The following ATAD3C variants were observed in gnomAD, a reference collection of about 807,000 sequenced individuals.
The protein encoded by ATAD3C is ATPase family AAA domain containing 3C.
ATAD3C carries 38 observed loss-of-function variants against 46.3 expected under a neutral mutation model. The observed-to-expected ratio is 0.82, with a 90% CI of 0.63 to 1.08. The LOEUF (loss-of-function observed/expected upper bound fraction) is 1.08. Among genes scored for constraint, ATAD3C ranks in the 50% least tolerant of loss-of-function variants. The pLI is 0.00. For missense variants in ATAD3C, 563 were observed against 572.7 expected, an observed-to-expected ratio of 0.98 and a Z score of 0.17; for synonymous variants, 220 against 236.4, an observed-to-expected ratio of 0.93 and a Z score of 0.63.
chr1:1,452,318 C>A (rs563943468), intron 2 of ATAD3C, 47 bp from the exon 3 acceptor site: 2 of 1,612,614 alleles, frequency 1.2e-6, no homozygotes, highest in African/African-American at 2.7e-5. Context: ...TGCTACGTGG[C>A]GTGGGTCTTT....
intron 11 of ATAD3C, among the ~76,000 whole-genome samples, chr1:1,465,650 T>C (rs1330711244): frequency 1.3e-5 from 2 of 151,564 alleles, no homozygotes; most frequent in Non-Finnish European, 2.9e-5. Context: ...TTGCAGCTGT[T>C]TTTGCTGTTG....
chr1:1,457,311 T>C, intron 8 of ATAD3C, 131 bp downstream of exon 8: 2 of 1,492,358 alleles, frequency 1.3e-6, no homozygotes, highest in Non-Finnish European at 1.8e-6. Context: ...CACAGCATTT[T>C]TGGCCAGGTG....
At chr1:1,450,799 T>C (rs761701615) in intron 1 of ATAD3C, 41 bp downstream of exon 1, 6 of 1,609,178 alleles carry the variant, frequency 3.7e-6, no homozygotes, top group Non-Finnish European at 5.1e-6. Flanking sequence ...GGGGCACACA[T>C]GGGGTTCGGG....
chr1:1,457,033 A>C (rs35334427), intron 7 of ATAD3C, 96 bp from the exon 8 acceptor site: 359,567 of 1,539,608 alleles, frequency 0.23, 54,483 homozygotes, highest in East Asian at 0.53. Flanking sequence ...CCCCGTGGGG[A>C]TCTGCCTGCT....
In ATAD3C at chr1:1,457,595, C is replaced by CAAAAA. The variant is rs777757826; in HGVS notation, c.741+430_741+434dup. Among the ~76,000 whole-genome samples the CAAAAA allele has an allele frequency of 3.8e-3, 139 of 36,408 alleles. 13 individuals carry two copies. The highest frequency in any genetic ancestry group is 0.018 in the African/African-American group (134 of 7,360). The allele number at this position is 36,408 out of a possible 152,430, so 23.9% of individuals were successfully genotyped here. On this transcript the variant is annotated intron_variant, in intron 8 of 11. Coordinates refer to ENST00000378785, the MANE Select transcript of ATAD3C (RefSeq NM_001039211.3). ...TGGGCGACACAGCGAGACTTCATCT[C>CAAAAA]AAAAAAAAAAAAAAAAAAACAAAAA... is the stretch of plus-strand genomic sequence containing the variant.
At chr1:1,457,459 G>A (rs891845146) in intron 8 of ATAD3C, among the ~76,000 whole-genome samples, 2 of 151,274 alleles carry the variant, frequency 1.3e-5, no homozygotes, top group African/African-American at 4.9e-5. Context: ...AGCTGTGCGT[G>A]GTGGCGGGCG....
At position 1,453,511 on chromosome 1, in the gene ATAD3C, A is replaced by G. The variant is rs775178705; in HGVS notation, c.223-834A>G. On this transcript the variant is annotated intron_variant, in intron 3 of 11. Coordinates refer to ENST00000378785, the MANE Select transcript of ATAD3C (RefSeq NM_001039211.3). ...ACCACCATGCCCGGCCAATTTTTGT[A>G]TTTATAGTAGGGGTGGGGTTTTACC... Among the ~76,000 whole-genome samples, 3 of 151,400 alleles carry G rather than the reference A, an allele frequency of 2.0e-5. 1 individual carries two copies. The highest frequency in any genetic ancestry group is 4.4e-5 in the Non-Finnish European group (3 of 67,812).
intron 11 of ATAD3C, among the ~76,000 whole-genome samples, chr1:1,467,486 G>A (rs1570161501): frequency 6.6e-6 from 1 of 152,088 alleles, no homozygotes. Flanking sequence ...ATGGGCGCTG[G>A]CAGAGGGGAC....
At chr1:1,450,837 T>A (rs976192802) in intron 1 of ATAD3C, 79 bp downstream of exon 1, 34 of 1,588,410 alleles carry the variant, frequency 2.1e-5, no homozygotes, top group Middle Eastern at 2.2e-4. Flanking sequence ...CTACTGCCGG[T>A]GGGTAGGGCC....
rs775905631 is a variant in ATAD3C, at chr1:1,454,427, G to C, written c.305G>C (p.Arg102Pro). 5 of 1,608,624 alleles carry C rather than the reference G, an allele frequency of 3.1e-6. No individual in the cohort carries two copies. Among genetic ancestry groups the C allele is most frequent in the East Asian group, 2.2e-5 (1 of 44,716 alleles). ...TAVTGRYIEA[R>P]LGKPSLVRET... ...GTCACTGGCCGCTACATCGAGGCTC[G>C]GCTGGGGAAGCCGTCCCTAGTGAGG... Residue 102 changes from arginine (R) to proline (P), a missense_variant, in exon 4 of 12, where the codon CGG (arginine) becomes CCG (proline). Transcript: ENST00000378785.
chr1:1,461,250 C>T (rs968531347), intron 10 of ATAD3C, among the ~76,000 whole-genome samples: 10 of 152,078 alleles, frequency 6.6e-5, no homozygotes, highest in Admixed American at 1.3e-4. Flanking sequence ...TGCAGTGGCA[C>T]GATCTCAGCT....
intron 8 of ATAD3C, 64 bp downstream of exon 8, chr1:1,457,244 TG>T (rs1638979036): frequency 1.7e-5 from 28 of 1,607,256 alleles, no homozygotes; most frequent in Non-Finnish European, 2.3e-5. Flanking sequence ...GCTGTCATCC[TG>T]GGCCAGGCCG....
chr1:1,462,554 T>G lies in ATAD3C; in HGVS notation c.981-46T>G, dbSNP rs775338189. 2 of 1,520,998 alleles carry G rather than the reference T, an allele frequency of 1.3e-6. No individual in the cohort carries two copies. The highest frequency in any genetic ancestry group is 1.8e-6 in the Non-Finnish European group (2 of 1,116,770). The allele number at this position is 1,520,998 out of a possible 1,614,324, so 94.2% of individuals were successfully genotyped here. ...GTCTTCCGGCCTCCACCTCGTGGTGTGGGAGCTGCTGCCTTGGCCGGCCCA... is the reference window on the plus strand; with the variant it reads ...GTCTTCCGGCCTCCACCTCGTGGTGGGGGAGCTGCTGCCTTGGCCGGCCCA... On this transcript the variant is annotated intron_variant, in intron 10 of 11. Coordinates refer to ENST00000378785, the MANE Select transcript of ATAD3C (RefSeq NM_001039211.3). The surrounding 1 kb of genome is among the most constrained non-coding windows in gnomAD (Gnocchi z 4.5).
intron 3 of ATAD3C, among the ~76,000 whole-genome samples, chr1:1,453,093 G>A (rs1301067974): frequency 3.3e-5 from 5 of 152,248 alleles, no homozygotes; most frequent in Middle Eastern, 3.4e-3. Context: ...TGACTGCAGC[G>A]CCTGCCGGTG....
chr1:1,462,887 A>C lies in ATAD3C; in HGVS notation c.1089+179A>C, dbSNP rs916198881. ...TGGGCCACTCCACGCAGCAGCGTGC[A>C]CCTGCTCCAGCAAGAAGGGTGGGGC... On this transcript the variant is annotated intron_variant, in intron 11 of 11. Transcript: ENST00000378785. This position sits in a 1 kb window ranked among gnomAD's most constrained non-coding sequence, Gnocchi z 4.5. Among the ~76,000 whole-genome samples the C allele has an allele frequency of 6.6e-6, 1 of 152,026 alleles. No homozygotes were observed. Among genetic ancestry groups the C allele is most frequent in the African/African-American group, 2.4e-5 (1 of 41,400 alleles).
Position 1,450,496 on chromosome 1 carries a change from C to T in ATAD3C, c.-188C>T, listed in dbSNP as rs530825649. On this transcript the variant is annotated 5_prime_UTR_variant, in exon 1 of 12. Transcript: ENST00000378785. Reference sequence around the variant, plus strand: ...ATAAAACCTCACAAATGCATCAGGCCGTGTGCTGGGGATGGGGCATCGTCA... The same window carrying T: ...ATAAAACCTCACAAATGCATCAGGCTGTGTGCTGGGGATGGGGCATCGTCA... 462 of 723,232 alleles carry T rather than the reference C, an allele frequency of 6.4e-4. 1 individual carries two copies. In the African/African-American group the frequency reaches 7.4e-3, roughly 12 times the overall value. The allele number at this position is 723,232 out of a possible 1,614,324, so 44.8% of individuals were successfully genotyped here. A position where few individuals can be genotyped will look rare whatever the true frequency, so the allele number is the denominator to read the frequency against.
chr1:1,468,331 T>TG (rs1164579319), intron 11 of ATAD3C, 53 bp from the exon 12 acceptor site: 1 of 1,569,486 alleles, frequency 6.4e-7, no homozygotes, highest in Non-Finnish European at 8.6e-7. Flanking sequence ...GGCGTGCATT[T>TG]GGGGTGGGGG....
At position 1,465,559 on chromosome 1, in the gene ATAD3C, C is replaced by T. The variant is rs566259547; in HGVS notation, c.1090-2825C>T. On this transcript the variant is annotated intron_variant, in intron 11 of 11. Transcript: ENST00000378785. ...TGAGCCGAGATCGTGCCACTGCACT[C>T]CAGCCTGGGCGACAGAGCAAGACTG... Among the ~76,000 whole-genome samples the T allele has an allele frequency of 9.5e-5, 14 of 146,838 alleles. No individual in the cohort carries two copies. The South Asian group carries it at 2.6e-3, about 27-fold the overall frequency.
chr1:1,462,579 A>G lies in ATAD3C; in HGVS notation c.981-21A>G. 6.4e-7 allele frequency: 1 copy of G among 1,574,638 alleles called. No homozygotes were observed. On this transcript the variant is annotated intron_variant, in intron 10 of 11. Coordinates refer to ENST00000378785, the MANE Select transcript of ATAD3C (RefSeq NM_001039211.3). The surrounding 1 kb of genome is among the most constrained non-coding windows in gnomAD (Gnocchi z 4.5). The stretch of plus-strand genomic sequence containing the variant: ...TGGGAGCTGCTGCCTTGGCCGGCCC[A>G]CTTGGGAACTCCTTCCCCAGGCGTC...
Sources: allele counts gnomAD v4.1 joint callset (sites outside exome capture counted in the v4.1 genomes callset), GRCh38; gene constraint gnomAD v4.1.1; non-coding constraint Gnocchi (gnomAD v3.1); transcripts MANE v1.5; gene names NCBI Gene and HGNC (gene_info 2026-07-23, HGNC 2026-07-21).